Variants in HPSE2 observed in about 807,000 individuals in gnomAD.
HPSE2 encodes inactive heparanase-2.
In HPSE2, 38 loss-of-function variants were observed where a neutral mutation model predicts 60.5. The ratio of observed to expected loss-of-function variants is 0.63; its 90% CI spans 0.48 to 0.82. The LOEUF (loss-of-function observed/expected upper bound fraction) is 0.82. Among genes scored for constraint, HPSE2 ranks in the 40% least tolerant of loss-of-function variants. HPSE2 has a pLI of 0.00. For missense variants in HPSE2, 713 were observed against 740.4 expected, an observed-to-expected ratio of 0.96 and a Z score of 0.43; for synonymous variants, 295 against 293.2, an observed-to-expected ratio of 1.01 and a Z score of -0.06.
intron 3 of HPSE2, among the ~76,000 whole-genome samples, chr10:99,041,436 G>T (rs1247787498): frequency 1.3e-5 from 2 of 152,092 alleles, no homozygotes; most frequent in African/African-American, 2.4e-5. Context: ...TTCTGCCATG[G>T]ATCTTTGCAA....
chr10:98,924,099 C>T (rs11189868), intron 3 of HPSE2, among the ~76,000 whole-genome samples: 14,467 of 152,226 alleles, frequency 0.095, 827 homozygotes, highest in South Asian at 0.21. Flanking sequence ...CCCAATAATA[C>T]GGTGGGTTTT....
intron 3 of HPSE2, among the ~76,000 whole-genome samples, chr10:99,030,061 T>C (rs932338532): frequency 6.6e-6 from 1 of 152,212 alleles, no homozygotes; most frequent in South Asian, 2.1e-4. Context: ...TTCTGGTCAC[T>C]TCTCACTGCA....
the HPSE2 span, among the ~76,000 whole-genome samples, chr10:99,301,738 T>A: frequency 6.6e-6 from 1 of 152,054 alleles, no homozygotes; most frequent in East Asian, 1.9e-4. Flanking sequence ...ACCACTCTAC[T>A]GGTAGAAGAA....
intron 2 of HPSE2, among the ~76,000 whole-genome samples, chr10:99,217,462 A>G (rs1186902563): frequency 5.3e-5 from 8 of 152,120 alleles, no homozygotes; most frequent in Non-Finnish European, 1.0e-4. Context: ...TGGCAAATCA[A>G]CTCACTCAGA....
intron 5 of HPSE2, among the ~76,000 whole-genome samples, chr10:98,709,272 G>A (rs1466431273): frequency 6.6e-6 from 1 of 152,144 alleles, no homozygotes; most frequent in Non-Finnish European, 1.5e-5. Flanking sequence ...AAATTCCACT[G>A]GGAGAGTGAA....
intron 9 of HPSE2, among the ~76,000 whole-genome samples, chr10:98,506,502 T>C (rs1449153238): frequency 6.6e-6 from 1 of 152,118 alleles, no homozygotes; most frequent in East Asian, 1.9e-4. Flanking sequence ...TGGAGTGCAG[T>C]GGTGTGTAAC....
At chr10:99,282,816 G>A in the HPSE2 span, among the ~76,000 whole-genome samples, 1 of 152,064 alleles carries the variant, frequency 6.6e-6, no homozygotes, top group Non-Finnish European at 1.5e-5. Flanking sequence ...AAATAAAAAT[G>A]AAAATATAAC....
chr10:98,464,768 T>C (rs1940456236), intron 11 of HPSE2, among the ~76,000 whole-genome samples: 2 of 152,220 alleles, frequency 1.3e-5, no homozygotes, highest in African/African-American at 4.8e-5. Flanking sequence ...AGAGGCTCCC[T>C]GGAGGTTTGC....
chr10:98,980,954 AAGAT>A (rs1260631505), intron 3 of HPSE2, among the ~76,000 whole-genome samples: 1 of 152,172 alleles, frequency 6.6e-6, no homozygotes, highest in African/African-American at 2.4e-5. Flanking sequence ...GGAGTATGAT[AAGAT>A]ATTATAATAA....
At chr10:98,727,272 T>A (rs1259619290) in intron 4 of HPSE2, among the ~76,000 whole-genome samples, 2 of 152,120 alleles carry the variant, frequency 1.3e-5, no homozygotes, top group African/African-American at 4.8e-5. Context: ...GTTTGACTCA[T>A]ACCAGCAAAA....
At chr10:98,471,701 A>T (rs1940787893) in intron 11 of HPSE2, among the ~76,000 whole-genome samples, 1 of 152,084 alleles carries the variant, frequency 6.6e-6, no homozygotes, top group Non-Finnish European at 1.5e-5. Context: ...CTCGGTGTGT[A>T]CCAGGGATGT....
At chr10:99,296,039 T>C in the HPSE2 span, among the ~76,000 whole-genome samples, 1 of 152,242 alleles carries the variant, frequency 6.6e-6, no homozygotes, top group African/African-American at 2.4e-5. Context: ...GTATCACTTA[T>C]CACACTGAGT....
At chr10:98,561,176 T>TTG (rs71488858) in intron 9 of HPSE2, among the ~76,000 whole-genome samples, 1 of 149,844 alleles carries the variant, frequency 6.7e-6, no homozygotes, top group African/African-American at 2.5e-5. Context: ...TTCTTTTTTT[T>TTG]GTTTTTTTGA....
At chr10:98,662,106 G>T (rs1365908831) in intron 6 of HPSE2, among the ~76,000 whole-genome samples, 1 of 152,118 alleles carries the variant, frequency 6.6e-6, no homozygotes, top group African/African-American at 2.4e-5. Flanking sequence ...TGTTGGCCAG[G>T]ATGGTCTCGA....
At chr10:99,035,890 A>T (rs1038770483) in intron 3 of HPSE2, among the ~76,000 whole-genome samples, 3 of 152,222 alleles carry the variant, frequency 2.0e-5, no homozygotes, top group Admixed American at 2.0e-4. Context: ...CAATAAGCAC[A>T]TTTAACATCC....
intron 2 of HPSE2, among the ~76,000 whole-genome samples, chr10:99,185,173 G>A (rs1193615793): frequency 1.3e-5 from 2 of 151,490 alleles, no homozygotes; most frequent in Non-Finnish European, 2.9e-5. Context: ...GTGTGATGAC[G>A]TACACTTGTA....
At chr10:98,774,920 A>G (rs1472376045) in intron 3 of HPSE2, among the ~76,000 whole-genome samples, 1 of 152,218 alleles carries the variant, frequency 6.6e-6, no homozygotes, top group Non-Finnish European at 1.5e-5. Context: ...GTATGTTGGA[A>G]ATGGAAAAGT....
chr10:98,490,033 A>T lies in HPSE2; in HGVS notation c.1466+18T>A, dbSNP rs200443419. ...GAGCCCCTCAGGTGGCCTTTCTGCC[A>T]TCTTTCTGAGGACTTACTTGTGGTG... On this transcript the variant is annotated intron_variant, in intron 10 of 11. Transcript: ENST00000370552. 9 of 1,614,132 alleles carry T rather than the reference A, an allele frequency of 5.6e-6. No homozygotes were observed. Among genetic ancestry groups the T allele is most frequent in the Non-Finnish European group, 7.6e-6 (9 of 1,179,984 alleles).
intron 3 of HPSE2, among the ~76,000 whole-genome samples, chr10:98,859,973 TATTA>T (rs1300647235): frequency 3.9e-5 from 6 of 152,196 alleles, no homozygotes; most frequent in African/African-American, 1.4e-4. Flanking sequence ...TGTTCTATTT[TATTA>T]ATTGTTGATA....
Sources: gnomAD v4.1 joint callset for allele counts (sites outside exome capture counted in the v4.1 genomes callset) on GRCh38, gnomAD v4.1.1 for gene constraint, MANE v1.5 for transcripts, NCBI Gene and HGNC (gene_info 2026-07-23, HGNC 2026-07-21) for gene names.